Variants in PINX1 observed in about 807,000 individuals in gnomAD.
PINX1 encodes the protein PIN2/TERF1-interacting telomerase inhibitor 1.
A neutral mutation model predicts 25.4 loss-of-function variants in PINX1; 34 were observed. The observed-to-expected ratio is 1.34, with a 90% CI of 1.02 to 1.78. The LOEUF (loss-of-function observed/expected upper bound fraction) is 1.78. Ranked by LOEUF, PINX1 falls within the 40% of genes most tolerant of loss-of-function variation. The probability of loss-of-function intolerance (pLI) is 0.00; values close to 1 mark genes in which losing one functional copy is unlikely to be tolerated. For synonymous variants in PINX1, 197 were observed against 147.7 expected, an observed-to-expected ratio of 1.33 and a Z score of -2.42; for missense variants, 592 against 404.9, an observed-to-expected ratio of 1.46 and a Z score of -3.97.
intron 6 of PINX1, among the ~76,000 whole-genome samples, chr8:10,784,718 A>G (rs953237408): frequency 2.6e-5 from 4 of 152,234 alleles, no homozygotes; most frequent in African/African-American, 4.8e-5. Context: ...CCTCCATGTG[A>G]TTTTAAGAGT....
intron 6 of PINX1, among the ~76,000 whole-genome samples, chr8:10,796,971 G>C (rs1202601223): frequency 1.3e-5 from 2 of 151,936 alleles, no homozygotes; most frequent in African/African-American, 4.8e-5. Flanking sequence ...AACACATTTT[G>C]GGAAACTCTG....
chr8:10,833,103 T>C, intron 2 of PINX1, 119 bp from the exon 3 acceptor site: 1 of 595,752 alleles, frequency 1.7e-6, no homozygotes, highest in Non-Finnish European at 3.0e-6. Context: ...ATTCTCTCCA[T>C]TAAATACTTT....
intron 5 of PINX1, among the ~76,000 whole-genome samples, chr8:10,822,309 G>A (rs961916451): frequency 6.6e-6 from 1 of 152,100 alleles, no homozygotes; most frequent in African/African-American, 2.4e-5. Flanking sequence ...AATTTAAAAA[G>A]CATTTAAAAA....
intron 6 of PINX1, among the ~76,000 whole-genome samples, chr8:10,792,598 A>T (rs1801959049): frequency 6.6e-6 from 1 of 152,066 alleles, no homozygotes; most frequent in South Asian, 2.1e-4. Context: ...CAACAAACAG[A>T]AATACTCTCA....
At position 10,765,488 on chromosome 8, in the gene PINX1, T is replaced by C. The variant is rs756075443; in HGVS notation, c.900A>G (p.Lys300=). ...CTATCTCTACTGGTTTTTGCAGCTT[T>C]TTCTTCCCTCTCCTCTTTTTGGGCT... The part of the protein sequence containing the change: ...TLKPKKRRGK[K]KLQKPVEIAE... Residue 300 remains lysine, a synonymous_variant, in exon 7 of 7, where the codon AAA becomes AAG. Coordinates refer to ENST00000314787, the MANE Select transcript of PINX1 (RefSeq NM_017884.6). 2.5e-6 allele frequency: 4 copies of C among 1,613,616 alleles called. No individual in the cohort carries two copies. The highest frequency in any genetic ancestry group is 3.4e-6 in the Non-Finnish European group (4 of 1,179,892).
At chr8:10,801,275 C>T (rs1802256624) in intron 6 of PINX1, among the ~76,000 whole-genome samples, 1 of 152,206 alleles carries the variant, frequency 6.6e-6, no homozygotes, top group African/African-American at 2.4e-5. Context: ...AACTCCCCTC[C>T]CATATGCTAA....
At chr8:10,777,955 C>A (rs772707371) in intron 6 of PINX1, among the ~76,000 whole-genome samples, 2 of 152,170 alleles carry the variant, frequency 1.3e-5, no homozygotes, top group Admixed American at 1.3e-4. Context: ...GGCCAGGACA[C>A]ACTTGCTCAC....
At chr8:10,827,834 C>G (rs1798104247) in intron 4 of PINX1, among the ~76,000 whole-genome samples, 1 of 148,496 alleles carries the variant, frequency 6.7e-6, no homozygotes, top group South Asian at 2.1e-4. Flanking sequence ...TGGCGTGAAC[C>G]TGGGAGGCAG....
At chr8:10,832,759 T>C in intron 3 of PINX1, 133 bp downstream of exon 3, 1 of 558,644 alleles carries the variant, frequency 1.8e-6, no homozygotes, top group South Asian at 2.6e-5. Flanking sequence ...AAAGCGTCAG[T>C]GTTCAAGAGG....
chr8:10,799,810 T>C (rs1021429803), intron 6 of PINX1, among the ~76,000 whole-genome samples: 6 of 152,224 alleles, frequency 3.9e-5, no homozygotes, highest in Non-Finnish European at 5.9e-5. Context: ...AGAACATGGA[T>C]GCTGGGAATT....
intron 6 of PINX1, among the ~76,000 whole-genome samples, chr8:10,767,325 G>A (rs1801085372): frequency 6.6e-6 from 1 of 152,072 alleles, no homozygotes; most frequent in South Asian, 2.1e-4. Context: ...TGCAGTTCCA[G>A]CAGAATCGAT....
At chr8:10,768,659 A>G (rs1390235360) in intron 6 of PINX1, among the ~76,000 whole-genome samples, 1 of 152,160 alleles carries the variant, frequency 6.6e-6, no homozygotes, top group Non-Finnish European at 1.5e-5. Context: ...ACCCTCCCAC[A>G]TCACAGAAAC....
chr8:10,811,349 G>A (rs562569821), intron 6 of PINX1, among the ~76,000 whole-genome samples: 1 of 152,156 alleles, frequency 6.6e-6, no homozygotes, highest in East Asian at 1.9e-4. Flanking sequence ...ACATTCATTA[G>A]ATGACCTGAT....
At chr8:10,804,137 A>G (rs1302598259) in intron 6 of PINX1, among the ~76,000 whole-genome samples, 4 of 152,214 alleles carry the variant, frequency 2.6e-5, no homozygotes, top group Non-Finnish European at 5.9e-5. Context: ...AAAGGACAGC[A>G]TGCCAGGCAG....
intron 6 of PINX1, 53 bp from the exon 7 acceptor site, chr8:10,765,969 C>T: frequency 6.4e-7 from 1 of 1,567,886 alleles, no homozygotes. Context: ...GTTCATCCCT[C>T]ACCGCACCCA....
At chr8:10,783,203 A>G (rs1586147052) in intron 6 of PINX1, among the ~76,000 whole-genome samples, 1 of 152,252 alleles carries the variant, frequency 6.6e-6, no homozygotes, top group East Asian at 1.9e-4. Context: ...AATAGTATGC[A>G]ATTACTATAA....
At chr8:10,792,419 C>A (rs994224123) in intron 6 of PINX1, among the ~76,000 whole-genome samples, 5 of 152,052 alleles carry the variant, frequency 3.3e-5, no homozygotes, top group African/African-American at 1.2e-4. Context: ...TCCAGCTCAA[C>A]AGTTAACCAA....
At chr8:10,819,793 T>C (rs1586192738) in intron 6 of PINX1, among the ~76,000 whole-genome samples, 1 of 152,104 alleles carries the variant, frequency 6.6e-6, no homozygotes, top group East Asian at 1.9e-4. Flanking sequence ...AGAATGAAGG[T>C]GACATGCTTC....
At chr8:10,793,490 A>T (rs2129077279) in intron 6 of PINX1, among the ~76,000 whole-genome samples, 1 of 152,292 alleles carries the variant, frequency 6.6e-6, no homozygotes, top group African/African-American at 2.4e-5. Flanking sequence ...CAACATTTAA[A>T]AGACTTTACG....
Sources: allele counts gnomAD v4.1 joint callset (sites outside exome capture counted in the v4.1 genomes callset), GRCh38; gene constraint gnomAD v4.1.1; transcripts MANE v1.5; gene names NCBI Gene and HGNC (gene_info 2026-07-23, HGNC 2026-07-21).